The following CSNK2A2IP variants were observed in gnomAD, a reference collection of about 807,000 sequenced individuals.
The protein encoded by CSNK2A2IP is casein kinase 2 subunit alpha' interacting protein, also known as casein kinase II subunit alpha'-interacting protein.
chr3:88,401,632 C>T, the CSNK2A2IP span, among the ~76,000 whole-genome samples: 8 of 151,972 alleles, frequency 5.3e-5, no homozygotes, highest in East Asian at 1.9e-4. Context: ...TTATCAGGCT[C>T]TAAATGGAGA....
chr3:88,445,956 C>G, the CSNK2A2IP span, among the ~76,000 whole-genome samples: 19 of 122,150 alleles, frequency 1.6e-4, 1 homozygote, highest in African/African-American at 5.5e-4. Context: ...CTCTCTCTCT[C>G]TCTCCCTCCC....
the CSNK2A2IP span, among the ~76,000 whole-genome samples, chr3:88,358,401 G>T: frequency 6.6e-6 from 1 of 152,076 alleles, no homozygotes; most frequent in Non-Finnish European, 1.5e-5. Flanking sequence ...AGGCATCCTT[G>T]CCTTGTTCCG....
chr3:88,417,368 T>TA, the CSNK2A2IP span, among the ~76,000 whole-genome samples: 5 of 152,148 alleles, frequency 3.3e-5, no homozygotes, highest in Non-Finnish European at 5.9e-5. Context: ...GCAGGCATTT[T>TA]AAAACCCAAA....
chr3:88,460,774 G>A, the CSNK2A2IP span, among the ~76,000 whole-genome samples: 1 of 152,062 alleles, frequency 6.6e-6, no homozygotes, highest in Non-Finnish European at 1.5e-5. Context: ...AGTATTTTTT[G>A]TGTGTATGAT....
the CSNK2A2IP span, among the ~76,000 whole-genome samples, chr3:88,351,855 G>A: frequency 6.6e-6 from 1 of 151,974 alleles, no homozygotes; most frequent in Non-Finnish European, 1.5e-5. Context: ...TTCATCAAAG[G>A]AAACATTCTT....
At chr3:88,449,752 CTT>C in the CSNK2A2IP span, among the ~76,000 whole-genome samples, 3 of 123,462 alleles carry the variant, frequency 2.4e-5, no homozygotes, top group East Asian at 7.4e-4. Flanking sequence ...CCAAATATAC[CTT>C]TTTTCTCTTC....
At chr3:88,441,206 T>G in the CSNK2A2IP span, among the ~76,000 whole-genome samples, 28,244 of 152,070 alleles carry the variant, frequency 0.19, 3,281 homozygotes, top group African/African-American at 0.32. Flanking sequence ...TAAGGTATAT[T>G]TGCTTGTTTT....
At chr3:88,454,755 T>A in the CSNK2A2IP span, among the ~76,000 whole-genome samples, 1 of 152,110 alleles carries the variant, frequency 6.6e-6, no homozygotes, top group African/African-American at 2.4e-5. Flanking sequence ...CTAATTAGCA[T>A]ATCTATCAAC....
chr3:88,376,673 C>T, the CSNK2A2IP span, among the ~76,000 whole-genome samples: 1 of 151,668 alleles, frequency 6.6e-6, no homozygotes, highest in Non-Finnish European at 1.5e-5. Context: ...TTCCCTTGTT[C>T]CTGCCATTTT....
chr3:88,398,382 T>C, the CSNK2A2IP span, among the ~76,000 whole-genome samples: 5 of 152,130 alleles, frequency 3.3e-5, no homozygotes, highest in African/African-American at 4.8e-5. Flanking sequence ...TCTCTGCCCT[T>C]GAACTCTTAA....
the CSNK2A2IP span, among the ~76,000 whole-genome samples, chr3:88,435,778 AAATAAG>A: frequency 6.9e-6 from 1 of 144,418 alleles, no homozygotes; most frequent in Non-Finnish European, 1.5e-5. Flanking sequence ...TCTCTTAGCT[AAATAAG>A]AAGATCTGTC....
At chr3:88,413,708 C>T in the CSNK2A2IP span, among the ~76,000 whole-genome samples, 1 of 151,808 alleles carries the variant, frequency 6.6e-6, no homozygotes, top group Non-Finnish European at 1.5e-5. Flanking sequence ...CTGTACTGCC[C>T]TTTCAGACTT....
At chr3:88,383,565 G>A in the CSNK2A2IP span, among the ~76,000 whole-genome samples, 1 of 151,182 alleles carries the variant, frequency 6.6e-6, no homozygotes, top group Non-Finnish European at 1.5e-5. Flanking sequence ...CCTAAGTGGC[G>A]TTTTTTGTGC....
At chr3:88,456,563 TG>T in the CSNK2A2IP span, among the ~76,000 whole-genome samples, 1 of 152,100 alleles carries the variant, frequency 6.6e-6, no homozygotes, top group African/African-American at 2.4e-5. Context: ...ACAACTTTAC[TG>T]AATTTGCTTG....
At chr3:88,425,507 A>C in the CSNK2A2IP span, among the ~76,000 whole-genome samples, 1 of 152,250 alleles carries the variant, frequency 6.6e-6, no homozygotes, top group Middle Eastern at 3.4e-3. Flanking sequence ...ATTGAGATGG[A>C]CTTTATTTGG....
the CSNK2A2IP span, among the ~76,000 whole-genome samples, chr3:88,443,026 G>C: frequency 6.6e-6 from 1 of 152,044 alleles, no homozygotes; most frequent in Non-Finnish European, 1.5e-5. Context: ...ATGTATGTTT[G>C]CTTTTAAAGA....
the CSNK2A2IP span, among the ~76,000 whole-genome samples, chr3:88,353,703 C>T: frequency 2.6e-4 from 40 of 152,242 alleles, no homozygotes; most frequent in South Asian, 2.3e-3. Flanking sequence ...ATTTCAATTA[C>T]ACTCTAATCA....
At chr3:88,450,717 AC>A in the CSNK2A2IP span, among the ~76,000 whole-genome samples, 1 of 152,048 alleles carries the variant, frequency 6.6e-6, no homozygotes, top group Non-Finnish European at 1.5e-5. Context: ...GTTTTAGGGT[AC>A]ATGTGGAGTA....
chr3:88,415,438 G>A, the CSNK2A2IP span, among the ~76,000 whole-genome samples: 11 of 151,978 alleles, frequency 7.2e-5, no homozygotes, highest in South Asian at 2.1e-4. Flanking sequence ...CTGGTGTAGC[G>A]GAATCAGATA....
Sources: allele counts gnomAD v4.1 joint callset (sites outside exome capture counted in the v4.1 genomes callset), GRCh38; gene constraint gnomAD v4.1.1; transcripts MANE v1.5; gene names NCBI Gene and HGNC (gene_info 2026-07-23, HGNC 2026-07-21).